Variants in RPTOR observed in about 807,000 individuals in gnomAD.
RPTOR encodes the protein regulatory-associated protein of mTOR.
A neutral mutation model predicts 169.9 loss-of-function variants in RPTOR; 21 were observed. The ratio of observed to expected loss-of-function variants is 0.12; its 90% CI spans 0.09 to 0.18. The LOEUF is 0.18. RPTOR is among the 10% of genes least tolerant of loss of function. The pLI is 1.00. For synonymous variants in RPTOR, 732 were observed against 753.2 expected, an observed-to-expected ratio of 0.97 and a Z score of 0.46; for missense variants, 1,133 against 1,855.9, an observed-to-expected ratio of 0.61 and a Z score of 7.16.
chr17:80,964,714 G>A lies in RPTOR; in HGVS notation c.*384G>A. The A allele has an allele frequency of 3.4e-6, 1 of 291,312 alleles. No homozygotes were observed. Among genetic ancestry groups the A allele is most frequent in the East Asian group, 5.2e-5 (1 of 19,324 alleles). 18.0% of individuals were successfully genotyped at this position (291,312 alleles called of 1,614,324 possible). A position where few individuals can be genotyped will look rare whatever the true frequency, so the allele number is the denominator to read the frequency against. On this transcript the variant is annotated 3_prime_UTR_variant, in exon 34 of 34. Transcript: ENST00000306801. ...AAAACCCCCCGACAGAGCCCTGGCG[G>A]AGAGGCAGGCGCTGGGGCTCCTACG...
rs141727312 is a variant in RPTOR, at chr17:80,863,834, C to T, written c.1509+5934C>T. ...ATTCAGAAGGCTGAGGCGGGAGAAT[C>T]GCTTGAGCCCGGGAGGTCGAGGCTG... On this transcript the variant is annotated intron_variant, in intron 13 of 33. Coordinates refer to ENST00000306801, the MANE Select transcript of RPTOR (RefSeq NM_020761.3). Among the ~76,000 whole-genome samples the T allele has an allele frequency of 3.2e-3, 485 of 152,284 alleles. 5 individuals are homozygous for T. The highest frequency in any genetic ancestry group is 4.5e-3 in the Non-Finnish European group (305 of 68,020).
At chr17:80,654,192 G>T (rs1385556312) in intron 3 of RPTOR, among the ~76,000 whole-genome samples, 3 of 152,238 alleles carry the variant, frequency 2.0e-5, no homozygotes, top group African/African-American at 7.2e-5. Flanking sequence ...CCTCACTTTG[G>T]GCTACAGTAG....
Position 80,754,100 on chromosome 17 carries a change from A to T in RPTOR, c.745A>T (p.Thr249Ser). Residue 249 changes from threonine to serine, a missense_variant, in exon 6 of 34, where the codon ACC (threonine) becomes TCC (serine). Physicochemically the swap from Thr to Ser is moderately conservative, Grantham distance 58. Transcript: ENST00000306801. The surrounding 1 kb of genome is among the most constrained non-coding windows in gnomAD (Gnocchi z 4.2). ...NCIQLAACEA[T>S]ELLPMIPDLP... Reference sequence around the variant, plus strand: ...CATCCAGCTGGCAGCCTGCGAGGCCACCGAGCTGCTGCCCATGATCCCCGA... The same window carrying T: ...CATCCAGCTGGCAGCCTGCGAGGCCTCCGAGCTGCTGCCCATGATCCCCGA... 1.2e-6 allele frequency: 2 copies of T among 1,613,974 alleles called. No individual in the cohort carries two copies. Among genetic ancestry groups the T allele is most frequent in the Non-Finnish European group, 1.7e-6 (2 of 1,180,006 alleles).
Position 80,851,832 on chromosome 17 carries a change from G to A in RPTOR, c.1315-3632G>A, listed in dbSNP as rs142165945. Among the ~76,000 whole-genome samples, 121 of 152,298 alleles carry A rather than the reference G, an allele frequency of 7.9e-4. 3 individuals are homozygous for A. In the East Asian group the frequency reaches 0.022, roughly 27 times the overall value. On this transcript the variant is annotated intron_variant, in intron 11 of 33. Coordinates refer to ENST00000306801, the MANE Select transcript of RPTOR (RefSeq NM_020761.3). ...GAACTGGCCTTGATTAGACCTCTTCGCCCCGTCCTGCCACTTTTTCCATTT... is the reference window on the plus strand; with the variant it reads ...GAACTGGCCTTGATTAGACCTCTTCACCCCGTCCTGCCACTTTTTCCATTT...
intron 2 of RPTOR, among the ~76,000 whole-genome samples, chr17:80,641,904 C>T (rs936423910): frequency 1.7e-4 from 26 of 152,104 alleles, no homozygotes; most frequent in African/African-American, 3.9e-4. Context: ...CTTGCTTTCA[C>T]GCAGCATTTC....
chr17:80,961,016 C>A, intron 30 of RPTOR: 1 of 273,602 alleles, frequency 3.7e-6, no homozygotes, highest in East Asian at 7.2e-5. Flanking sequence ...CCAGTCTGCA[C>A]AGATCGGGGA....
chr17:80,761,278 A>G (rs2066733993), intron 6 of RPTOR, among the ~76,000 whole-genome samples: 2 of 152,232 alleles, frequency 1.3e-5, no homozygotes, highest in African/African-American at 2.4e-5. Context: ...ATTGATGTCT[A>G]TTGCACTGTG....
chr17:80,594,972 G>A (rs1380323024), intron 1 of RPTOR, among the ~76,000 whole-genome samples: 1 of 152,086 alleles, frequency 6.6e-6, no homozygotes, highest in Non-Finnish European at 1.5e-5. Context: ...CTGGGCTGAT[G>A]TGTGTGCCTG....
intron 1 of RPTOR, among the ~76,000 whole-genome samples, chr17:80,603,688 G>A (rs1243038348): frequency 6.6e-6 from 1 of 152,210 alleles, no homozygotes; most frequent in East Asian, 1.9e-4. Context: ...CCAGGCACAA[G>A]TTTCTGAAAG....
At chr17:80,938,050 G>A (rs559227728) in intron 24 of RPTOR, among the ~76,000 whole-genome samples, 1 of 152,370 alleles carries the variant, frequency 6.6e-6, no homozygotes, top group African/African-American at 2.4e-5. Context: ...TCAGATTAGG[G>A]AAGTGGCGGC....
intron 6 of RPTOR, among the ~76,000 whole-genome samples, chr17:80,786,270 A>G (rs1275649693): frequency 6.6e-6 from 1 of 152,212 alleles, no homozygotes; most frequent in East Asian, 1.9e-4. Context: ...TGAAAATGCT[A>G]AGCTATCTCA....
Position 80,900,800 on chromosome 17 carries a change from C to G in RPTOR, c.2401+6935C>G, listed in dbSNP as rs530232728. 4.6e-5 allele frequency among the ~76,000 whole-genome samples: 7 copies of G among 152,346 alleles called. No homozygotes were observed. The South Asian group carries it at 1.4e-3, about 32-fold the overall frequency. ...AAGTAAGAATCAAAATAAAAAGTTG[C>G]ACCTGGCCTGCAAGTGTGCAGAACC... On this transcript the variant is annotated intron_variant, in intron 20 of 33. Transcript: ENST00000306801.
chr17:80,964,960 G>A lies in RPTOR; in HGVS notation c.*630G>A, dbSNP rs17848681. On this transcript the variant is annotated 3_prime_UTR_variant, in exon 34 of 34. Transcript: ENST00000306801. ...CCAGGGGTCCGGGCTGTCCTTGGCCGCTGGCAGCATCACTGAGCAGGAAGC... is the reference window on the plus strand; with the variant it reads ...CCAGGGGTCCGGGCTGTCCTTGGCCACTGGCAGCATCACTGAGCAGGAAGC... The A allele has an allele frequency of 3.9e-3, 904 of 233,496 alleles. 26 individuals are homozygous for A. In the East Asian group the frequency reaches 0.047, roughly 12 times the overall value. 14.5% of individuals were successfully genotyped at this position (233,496 alleles called of 1,614,324 possible). A position where few individuals can be genotyped will look rare whatever the true frequency, so the allele number is the denominator to read the frequency against.
intron 3 of RPTOR, among the ~76,000 whole-genome samples, chr17:80,697,571 T>C (rs373351223): frequency 2.8e-4 from 43 of 152,118 alleles, no homozygotes; most frequent in East Asian, 2.7e-3. Context: ...TAGGTGCAGG[T>C]GGCGGCGTGA....
intron 26 of RPTOR, among the ~76,000 whole-genome samples, chr17:80,946,701 T>G (rs927556359): frequency 3.3e-5 from 5 of 152,250 alleles, no homozygotes; most frequent in African/African-American, 7.2e-5. Context: ...TGGACCACAC[T>G]TTGTCTTATC....
intron 1 of RPTOR, among the ~76,000 whole-genome samples, chr17:80,579,800 T>C (rs2064999232): frequency 6.6e-6 from 1 of 152,224 alleles, no homozygotes; most frequent in Non-Finnish European, 1.5e-5. Flanking sequence ...TAAGTGTCAC[T>C]TACTAGAGTC....
intron 3 of RPTOR, among the ~76,000 whole-genome samples, chr17:80,674,815 A>AC (rs2065850132): frequency 1.5e-5 from 2 of 132,968 alleles, no homozygotes; most frequent in African/African-American, 6.0e-5. Flanking sequence ...AAAAAAAAAA[A>AC]AAAAAAAAAA....
At chr17:80,586,801 C>CTTTAGG (rs2065064100) in intron 1 of RPTOR, among the ~76,000 whole-genome samples, 1 of 152,248 alleles carries the variant, frequency 6.6e-6, no homozygotes, top group Admixed American at 6.5e-5. Context: ...CTGGACCAAA[C>CTTTAGG]GTCTGATTTT....
intron 4 of RPTOR, among the ~76,000 whole-genome samples, chr17:80,709,774 C>T (rs2066171731): frequency 6.6e-6 from 1 of 152,250 alleles, no homozygotes; most frequent in South Asian, 2.1e-4. Context: ...AGATCGCGCA[C>T]CCTGTGTCCG....
Sources: allele counts gnomAD v4.1 joint callset (sites outside exome capture counted in the v4.1 genomes callset), GRCh38; gene constraint gnomAD v4.1.1; non-coding constraint Gnocchi (gnomAD v3.1); transcripts MANE v1.5; gene names NCBI Gene and HGNC (gene_info 2026-07-23, HGNC 2026-07-21).